Variants in ADAMTSL1 observed in about 807,000 individuals in gnomAD.
The protein encoded by ADAMTSL1 is ADAMTS-like protein 1.
In ADAMTSL1, 126 loss-of-function variants were observed where a neutral mutation model predicts 201.8. That is an observed-to-expected ratio of 0.62 (90% CI 0.54 to 0.72). The LOEUF (loss-of-function observed/expected upper bound fraction) is 0.72. ADAMTSL1 is among the 30% of genes least tolerant of loss of function. The pLI, the probability that ADAMTSL1 is intolerant of heterozygous loss-of-function variation, is 0.00. For missense variants in ADAMTSL1, 2,679 were observed against 2,277.8 expected (o/e 1.18, Z -3.59); for synonymous variants, 1,121 against 903.4 (o/e 1.24, Z -4.32).
chr9:18,470,300 A>T (rs1284895194), upstream of ADAMTSL1, among the ~76,000 whole-genome samples: 1 of 152,210 alleles, frequency 6.6e-6, no homozygotes, highest in Non-Finnish European at 1.5e-5. Context: ...GAATGCTCTA[A>T]TGGCTTTGGT....
chr9:18,466,346 T>C (rs1250375843), intron 2 of ADAMTSL1, among the ~76,000 whole-genome samples: 4 of 152,208 alleles, frequency 2.6e-5, no homozygotes, highest in Non-Finnish European at 5.9e-5. Context: ...TTCTCCATGC[T>C]GTTATCTTAT....
At chr9:18,428,435 A>AG (rs1211130467) in intron 2 of ADAMTSL1, among the ~76,000 whole-genome samples, 1 of 3,236 alleles carries the variant, frequency 3.1e-4, no homozygotes, top group Non-Finnish European at 0.017. Context: ...CTATGTCTAC[A>AG]AAAAAAAAAA....
In ADAMTSL1 at chr9:17,927,083, C is replaced by G. The variant is rs571168078; in HGVS notation, c.87+20161C>G. Among the ~76,000 whole-genome samples the G allele has an allele frequency of 7.2e-5, 11 of 152,302 alleles. No homozygotes were observed. The East Asian group carries it at 2.1e-3, about 29-fold the overall frequency. ...GTTCTTTTCTTCCCCTATCCCCTGG[C>G]AACCACCATACTATGTTCTGTTTAT... On this transcript the variant is annotated intron_variant, in intron 1 of 29. Coordinates refer to the ADAMTSL1 transcript ENST00000680146.
intron 2 of ADAMTSL1, among the ~76,000 whole-genome samples, chr9:18,356,288 A>AGGCTGTTCTTTCAGGCTTCG (rs1291781792): frequency 2.0e-5 from 3 of 152,146 alleles, no homozygotes; most frequent in African/African-American, 7.2e-5. Flanking sequence ...CAGGACCAGC[A>AGGCTGTTCTTTCAGGCTTCG]GGCTGTTCTT....
intron 2 of ADAMTSL1, among the ~76,000 whole-genome samples, chr9:18,337,039 T>C (rs1482105532): frequency 6.6e-6 from 1 of 152,146 alleles, no homozygotes; most frequent in Non-Finnish European, 1.5e-5. Flanking sequence ...GGCTGCAAAG[T>C]ATTGATCCTA....
intron 1 of ADAMTSL1, among the ~76,000 whole-genome samples, chr9:18,477,934 G>T (rs1821536372): frequency 6.6e-6 from 1 of 152,020 alleles, no homozygotes; most frequent in Non-Finnish European, 1.5e-5. Context: ...GAAGAATCTT[G>T]TTACACCAGG....
chr9:18,474,134 G>T (rs1821331964), upstream of ADAMTSL1: 1 of 1,034,246 alleles, frequency 9.7e-7, no homozygotes, highest in African/African-American at 1.6e-5. Flanking sequence ...CTGATAGGCA[G>T]GACTGGAGTG....
intron 1 of ADAMTSL1, among the ~76,000 whole-genome samples, chr9:17,983,443 T>C (rs1818805568): frequency 1.3e-5 from 2 of 152,184 alleles, no homozygotes; most frequent in Admixed American, 1.3e-4. Flanking sequence ...TTATTGGGTA[T>C]GTCTTTTAAC....
At chr9:18,257,751 G>A (rs1831744722) in intron 2 of ADAMTSL1, among the ~76,000 whole-genome samples, 1 of 152,080 alleles carries the variant, frequency 6.6e-6, no homozygotes, top group African/African-American at 2.4e-5. Context: ...GCTAAAAGGT[G>A]GAAACAACAG....
At chr9:18,057,116 C>G (rs1375841172) in intron 1 of ADAMTSL1, among the ~76,000 whole-genome samples, 1 of 152,196 alleles carries the variant, frequency 6.6e-6, no homozygotes, top group Non-Finnish European at 1.5e-5. Flanking sequence ...CAGCAGAGAC[C>G]TTCCCACTGA....
intron 2 of ADAMTSL1, among the ~76,000 whole-genome samples, chr9:18,192,900 C>T (rs780010341): frequency 2.8e-4 from 42 of 152,084 alleles, no homozygotes; most frequent in Non-Finnish European, 5.9e-4. Flanking sequence ...GAAACATATA[C>T]TTTAAAAGTA....
At chr9:18,809,006 A>G (rs1346771619) in intron 20 of ADAMTSL1, among the ~76,000 whole-genome samples, 1 of 152,252 alleles carries the variant, frequency 6.6e-6, no homozygotes, top group Non-Finnish European at 1.5e-5. Flanking sequence ...CACTTAACAG[A>G]TACTTATTGA....
chr9:17,943,072 C>T (rs1399863824), intron 1 of ADAMTSL1, among the ~76,000 whole-genome samples: 3 of 152,046 alleles, frequency 2.0e-5, no homozygotes, highest in Non-Finnish European at 4.4e-5. Context: ...GAGGTGTGCA[C>T]TACTATGCCA....
At chr9:18,109,308 G>A (rs949937949) in intron 1 of ADAMTSL1, among the ~76,000 whole-genome samples, 4 of 152,092 alleles carry the variant, frequency 2.6e-5, no homozygotes, top group African/African-American at 7.2e-5. Flanking sequence ...GGAATCCCTC[G>A]GAAGGACCCA....
chr9:18,101,880 A>G (rs1459250676), intron 1 of ADAMTSL1, among the ~76,000 whole-genome samples: 1 of 152,172 alleles, frequency 6.6e-6, no homozygotes, highest in Non-Finnish European at 1.5e-5. Context: ...GCTCTCCCAC[A>G]TCAGTGTTTC....
intron 2 of ADAMTSL1, among the ~76,000 whole-genome samples, chr9:18,357,003 C>T (rs111689372): frequency 3.3e-5 from 5 of 152,088 alleles, no homozygotes; most frequent in Admixed American, 2.0e-4. Context: ...CCTTTGAATA[C>T]GTATTAAAGA....
At chr9:18,832,341 G>A (rs912374803) in intron 23 of ADAMTSL1, among the ~76,000 whole-genome samples, 2 of 152,178 alleles carry the variant, frequency 1.3e-5, no homozygotes, top group Non-Finnish European at 2.9e-5. Context: ...AAGCCAGGGA[G>A]GCTGGAGAGG....
chr9:18,182,372 C>G (rs951410182), intron 2 of ADAMTSL1, among the ~76,000 whole-genome samples: 4 of 151,432 alleles, frequency 2.6e-5, no homozygotes, highest in Admixed American at 2.6e-4. Flanking sequence ...TGAAGGATGA[C>G]TTCTATGAAT....
Position 17,912,844 on chromosome 9 carries a change from T to C in ADAMTSL1, c.87+5922T>C, listed in dbSNP as rs192453985. Among the ~76,000 whole-genome samples, 14 of 150,010 alleles carry C rather than the reference T, an allele frequency of 9.3e-5. No homozygotes were observed. The East Asian group carries it at 2.8e-3, about 30-fold the overall frequency. ...GGTCTAACGTTTAAGTCTTTAATCA[T>C]CTTGAATTGATTTTCGTATAAGGTG... On this transcript the variant is annotated intron_variant, in intron 1 of 29. Coordinates refer to the ADAMTSL1 transcript ENST00000680146.
Sources: gnomAD v4.1 joint callset for allele counts (sites outside exome capture counted in the v4.1 genomes callset) on GRCh38, gnomAD v4.1.1 for gene constraint, MANE v1.5 for transcripts, NCBI Gene and HGNC (gene_info 2026-07-23, HGNC 2026-07-21) for gene names.